Variants in ATF7 observed in about 807,000 individuals in gnomAD.
The protein encoded by ATF7 is activating transcription factor 7.
Under a neutral mutation model 50.4 loss-of-function variants are expected in ATF7, and 10 were observed. The ratio of observed to expected loss-of-function variants is 0.20; its 90% CI spans 0.12 to 0.34. The LOEUF (loss-of-function observed/expected upper bound fraction) is 0.34. ATF7 is among the 10% of genes least tolerant of loss of function. ATF7 has a pLI of 1.00. For synonymous variants in ATF7, 201 were observed against 226.4 expected, an observed-to-expected ratio of 0.89 and a Z score of 1.01; for missense variants, 465 against 613.9, an observed-to-expected ratio of 0.76 and a Z score of 2.56.
At chr12:53,599,819 C>T (rs978787163) in intron 2 of ATF7, among the ~76,000 whole-genome samples, 1 of 152,092 alleles carries the variant, frequency 6.6e-6, no homozygotes, top group African/African-American at 2.4e-5. Flanking sequence ...TGAACAGAAA[C>T]TCAACCCTTT....
rs17696207 is a variant in ATF7 at position 53,514,041 on chromosome 12, G to C, written c.*3096C>G. 0.021 allele frequency: 3,144 copies of C among 152,284 alleles called. 61 individuals carry two copies. Among genetic ancestry groups the C allele is most frequent in the South Asian group, 0.07 (338 of 4,824 alleles). The allele number at this position is 152,284 out of a possible 1,614,324, so 9.4% of individuals were successfully genotyped here. On this transcript the variant is annotated 3_prime_UTR_variant, in exon 12 of 12. Coordinates refer to ENST00000420353, the MANE Select transcript of ATF7 (RefSeq NM_006856.3). ...AAGTCAGATTTGAGATGCATAACCA[G>C]CAGCAAAAGAGTAAGTAAAGGGGGC...
At chr12:53,576,261 C>T (rs932876390) in intron 2 of ATF7, among the ~76,000 whole-genome samples, 16 of 152,254 alleles carry the variant, frequency 1.1e-4, no homozygotes, top group Non-Finnish European at 8.8e-5. Flanking sequence ...CCTCACCAAC[C>T]TCCTTAGACG....
chr12:53,587,530 G>T (rs1387541925), intron 2 of ATF7, among the ~76,000 whole-genome samples: 2 of 150,996 alleles, frequency 1.3e-5, no homozygotes, highest in African/African-American at 4.9e-5. Context: ...ACTAAAACTA[G>T]CTGGTTCACA....
At chr12:53,511,552 C>T (rs975635127), downstream of ATF7, among the ~76,000 whole-genome samples, 4 of 152,180 alleles carry the variant, frequency 2.6e-5, no homozygotes, top group Non-Finnish European at 1.5e-5. Context: ...GCCCGGTTTT[C>T]TTACCTGCTT....
At chr12:53,594,952 T>A (rs1943093577) in intron 2 of ATF7, among the ~76,000 whole-genome samples, 1 of 150,598 alleles carries the variant, frequency 6.6e-6, no homozygotes, top group Non-Finnish European at 1.5e-5. Context: ...GTAAGAGCGG[T>A]CTACTTCCAC....
chr12:53,520,765 T>C (rs1592772744), intron 11 of ATF7, among the ~76,000 whole-genome samples: 2 of 152,312 alleles, frequency 1.3e-5, no homozygotes, highest in East Asian at 3.9e-4. Flanking sequence ...ACTTCATTCT[T>C]GTGGTTGCTT....
At chr12:53,596,251 G>A (rs377599198) in intron 2 of ATF7, among the ~76,000 whole-genome samples, 4 of 152,300 alleles carry the variant, frequency 2.6e-5, no homozygotes, top group African/African-American at 9.6e-5. Flanking sequence ...AGTGAGCCGA[G>A]ATCGCGCCAC....
At chr12:53,549,237 A>C (rs1182918954) in intron 3 of ATF7, among the ~76,000 whole-genome samples, 8 of 145,690 alleles carry the variant, frequency 5.5e-5, no homozygotes, top group Admixed American at 4.2e-4. Flanking sequence ...CAATGAGCGG[A>C]GATCGCGCCA....
Position 53,524,068 on chromosome 12 carries a change from T to C in ATF7, c.1125+496A>G, listed in dbSNP as rs185792020. Among the ~76,000 whole-genome samples, 27 of 152,360 alleles carry C rather than the reference T, an allele frequency of 1.8e-4. No individual in the cohort carries two copies. Among genetic ancestry groups the C allele is most frequent in the Admixed American group, 6.5e-4 (10 of 15,304 alleles). On this transcript the variant is annotated intron_variant, in intron 10 of 11. Transcript: ENST00000420353. This position sits in a 1 kb window ranked among gnomAD's most constrained non-coding sequence, Gnocchi z 4.6. Reference sequence around the variant, plus strand: ...TTTCTATTCTGTACATTTGTGTGTATATTTTATAATAGAAATGTATTTATA... The same window carrying C: ...TTTCTATTCTGTACATTTGTGTGTACATTTTATAATAGAAATGTATTTATA...
In ATF7 at chr12:53,594,901, G is replaced by A. The variant is rs78376689; in HGVS notation, c.48+6052C>T. 1.7e-3 allele frequency among the ~76,000 whole-genome samples: 243 copies of A among 140,512 alleles called. 1 individual carries two copies. The East Asian group carries it at 0.028, about 16-fold the overall frequency. The allele number at this position is 140,512 out of a possible 152,430, so 92.2% of individuals were successfully genotyped here. A position where few individuals can be genotyped will look rare whatever the true frequency, so the allele number is the denominator to read the frequency against. On this transcript the variant is annotated intron_variant, in intron 2 of 11. Transcript: ENST00000420353. ...AGACCCCATCTCAAAAAAAAAAAAA[G>A]AAAAAAAAAAATCCCAGTCCCAGTT... is the stretch of plus-strand genomic sequence containing the variant.
intron 2 of ATF7, among the ~76,000 whole-genome samples, chr12:53,586,014 G>A (rs1942663989): frequency 6.6e-6 from 1 of 152,182 alleles, no homozygotes. Flanking sequence ...CCTCATCTGG[G>A]CAGTCAAATA....
chr12:53,528,852 T>C (rs1459071224), intron 9 of ATF7, among the ~76,000 whole-genome samples: 1 of 152,144 alleles, frequency 6.6e-6, no homozygotes, highest in East Asian at 1.9e-4. Flanking sequence ...TATTCTGTCA[T>C]AGGCATTTCA....
In ATF7 at chr12:53,517,328, T is replaced by C. The variant is rs746395605; in HGVS notation, c.1261A>G (p.Thr421Ala). 13 of 1,613,712 alleles carry C rather than the reference T, an allele frequency of 8.1e-6. No individual in the cohort carries two copies. Among genetic ancestry groups the C allele is most frequent in the Admixed American group, 1.7e-5 (1 of 59,972 alleles). The change falls in exon 12 of 12, where the codon ACG (threonine) becomes GCG (alanine). Residue 421 changes from threonine to alanine, a missense_variant. Thr to Ala is a moderately conservative substitution (Grantham distance 58, BLOSUM62 0). Coordinates refer to ENST00000420353, the MANE Select transcript of ATF7 (RefSeq NM_006856.3). ...TGAATCACAGGGGCTGGAGAACCCG[T>C]TGGCTCTGAGCTTTCCTTGGGGCTT... The part of the protein sequence containing the change: ...LESPKESSEP[T>A]GSPAPVIQHS...
At chr12:53,609,111 T>C (rs1460173918) in intron 1 of ATF7, among the ~76,000 whole-genome samples, 2 of 151,818 alleles carry the variant, frequency 1.3e-5, no homozygotes, top group Non-Finnish European at 2.9e-5. Flanking sequence ...TCAAGACCAG[T>C]CTAGCCAACA....
chr12:53,540,460 A>G (rs1292877884), intron 4 of ATF7, among the ~76,000 whole-genome samples: 3 of 151,996 alleles, frequency 2.0e-5, no homozygotes, highest in Non-Finnish European at 2.9e-5. Context: ...GCGGTGGCTC[A>G]CGCCTATAAT....
intron 1 of ATF7, among the ~76,000 whole-genome samples, chr12:53,620,575 CA>C (rs34516346): frequency 0.36 from 27,167 of 75,790 alleles, 1,766 homozygotes; most frequent in South Asian, 0.41. Flanking sequence ...GACTCCGTCT[CA>C]AAAAAAAAAA....
intron 2 of ATF7, among the ~76,000 whole-genome samples, chr12:53,555,837 CAG>C: frequency 6.7e-6 from 1 of 149,990 alleles, no homozygotes; most frequent in Middle Eastern, 3.5e-3. Flanking sequence ...GTTTTTGAGA[CAG>C]AGTTTTGCTC....
At chr12:53,560,948 CTT>C (rs112538823) in intron 2 of ATF7, among the ~76,000 whole-genome samples, 62 of 137,630 alleles carry the variant, frequency 4.5e-4, no homozygotes, top group Admixed American at 5.9e-4. Context: ...TCTTTTCTTT[CTT>C]TTTTTTTTTT....
At chr12:53,519,992 C>T (rs567877202) in intron 11 of ATF7, among the ~76,000 whole-genome samples, 7 of 152,076 alleles carry the variant, frequency 4.6e-5, no homozygotes, top group Admixed American at 6.5e-5. Flanking sequence ...GTGATCCGCC[C>T]GCCTCAGCCT....
Sources: gnomAD v4.1 joint callset for allele counts (sites outside exome capture counted in the v4.1 genomes callset) on GRCh38, gnomAD v4.1.1 for gene constraint, Gnocchi (gnomAD v3.1) non-coding constraint, MANE v1.5 for transcripts, NCBI Gene and HGNC (gene_info 2026-07-23, HGNC 2026-07-21) for gene names.